The following CLTB variants were observed in gnomAD, a reference collection of about 807,000 sequenced individuals.
The protein encoded by CLTB is clathrin light chain B.
CLTB carries 10 observed loss-of-function variants against 30.5 expected under a neutral mutation model. The ratio of observed to expected loss-of-function variants is 0.33; its 90% CI spans 0.20 to 0.56. CLTB has a LOEUF of 0.56. Ranked by LOEUF, CLTB falls within the 20% of genes least tolerant of loss-of-function variation. CLTB has a pLI of 0.91. For missense variants in CLTB, 261 were observed against 308.3 expected (o/e 0.85, Z 1.15); for synonymous variants, 102 against 120.3 (o/e 0.85, Z 1.00).
intron 2 of CLTB, among the ~76,000 whole-genome samples, chr5:176,409,411 T>C (rs1278800559): frequency 2.8e-5 from 4 of 140,584 alleles, no homozygotes; most frequent in Non-Finnish European, 4.6e-5. Context: ...TTGCCCTTTT[T>C]TTTTTTTTTT....
At position 176,416,253 on chromosome 5, in the gene CLTB, G is replaced by T; in HGVS notation, c.111C>A (p.Gly37=). Residue 37 remains glycine (G), a synonymous_variant, in exon 1 of 6, where the codon GGC becomes GGA. Coordinates refer to ENST00000310418, the MANE Select transcript of CLTB (RefSeq NM_007097.5). ...CCCCGAAGCCCTCGTCGTTCTCTAT[G>T]CCTGCAATCTCGCTCTCCTGCTGGG... The part of the protein sequence containing the change: ...FLAQQESEIA[G]IENDEGFGAP... 1 of 1,602,838 alleles carries T rather than the reference G, an allele frequency of 6.2e-7. No homozygotes were observed.
intron 2 of CLTB, chr5:176,406,433 G>A (rs1757124518): frequency 8.6e-7 from 1 of 1,166,960 alleles, no homozygotes; most frequent in Non-Finnish European, 1.1e-6. Context: ...CTCCAGGGAT[G>A]GCCAAGAGGA....
chr5:176,392,999 G>C lies in CLTB; in HGVS notation c.519-54C>G. 1 of 1,603,962 alleles carries C rather than the reference G, an allele frequency of 6.2e-7. No individual in the cohort carries two copies. The highest frequency in any genetic ancestry group is 8.5e-7 in the Non-Finnish European group (1 of 1,171,776). ...TAGCAGTCTGCTTTCCCCCAGCCTT[G>C]CCCTTGAGCAAGGCTGCTTTGCCCA... is the stretch of plus-strand genomic sequence containing the variant. On this transcript the variant is annotated intron_variant, in intron 5 of 5. Transcript: ENST00000310418. This position sits in a 1 kb window ranked among gnomAD's most constrained non-coding sequence, Gnocchi z 5.2.
In CLTB at chr5:176,392,725, C is replaced by G; in HGVS notation, c.*49G>C. 1 of 1,600,344 alleles carries G rather than the reference C, an allele frequency of 6.2e-7. No individual in the cohort carries two copies. The highest frequency in any genetic ancestry group is 8.5e-7 in the Non-Finnish European group (1 of 1,170,468). ...ACCCCGACCAAAGCAGCTGCTCCTC[C>G]TGTGCCCAGGCCCAGCCCATGCTCT... On this transcript the variant is annotated 3_prime_UTR_variant, in exon 6 of 6. Coordinates refer to ENST00000310418, the MANE Select transcript of CLTB (RefSeq NM_007097.5). This position sits in a 1 kb window ranked among gnomAD's most constrained non-coding sequence, Gnocchi z 5.2.
At chr5:176,413,018 A>G (rs1757526606) in intron 1 of CLTB, among the ~76,000 whole-genome samples, 1 of 152,108 alleles carries the variant, frequency 6.6e-6, no homozygotes, top group Non-Finnish European at 1.5e-5. Flanking sequence ...CCTGGGGTCT[A>G]CCCTGACCTT....
chr5:176,397,002 G>A (rs541955715), intron 4 of CLTB, among the ~76,000 whole-genome samples: 327 of 152,120 alleles, frequency 2.1e-3, no homozygotes, highest in African/African-American at 7.4e-3. Context: ...CAAGTCCCAA[G>A]ACACAGAGGT....
chr5:176,392,573 G>A lies in CLTB; in HGVS notation c.*201C>T, dbSNP rs1756299847. Reference sequence around the variant, plus strand: ...CAGTCACAATTGAGTAGACTGAGAGGAGGCGTGAGGGGCTGGACCAGAGGG... The same window carrying A: ...CAGTCACAATTGAGTAGACTGAGAGAAGGCGTGAGGGGCTGGACCAGAGGG... On this transcript the variant is annotated 3_prime_UTR_variant, in exon 6 of 6. Transcript: ENST00000310418. This position sits in a 1 kb window ranked among gnomAD's most constrained non-coding sequence, Gnocchi z 5.2. 6.9e-6 allele frequency: 4 copies of A among 583,932 alleles called. No individual in the cohort carries two copies. Among genetic ancestry groups the A allele is most frequent in the Non-Finnish European group, 9.1e-6 (3 of 327,946 alleles). The allele number at this position is 583,932 out of a possible 1,614,324, so 36.2% of individuals were successfully genotyped here.
chr5:176,402,860 G>A (rs1344509666), intron 2 of CLTB, among the ~76,000 whole-genome samples: 4 of 152,162 alleles, frequency 2.6e-5, no homozygotes, highest in African/African-American at 9.7e-5. Context: ...AGTACAGTAG[G>A]AGAGATGGGG....
chr5:176,395,053 C>T (rs1380646629), intron 5 of CLTB, among the ~76,000 whole-genome samples: 1 of 152,066 alleles, frequency 6.6e-6, no homozygotes, highest in Non-Finnish European at 1.5e-5. Flanking sequence ...CAACCAGCCC[C>T]AAGCCAACCA....
At chr5:176,394,547 G>A (rs1480663387) in intron 5 of CLTB, among the ~76,000 whole-genome samples, 2 of 151,906 alleles carry the variant, frequency 1.3e-5, no homozygotes, top group Non-Finnish European at 2.9e-5. Context: ...GCCAGGCGCG[G>A]TGGCTCATGC....
intron 2 of CLTB, among the ~76,000 whole-genome samples, chr5:176,407,896 A>G (rs1393206568): frequency 6.6e-6 from 1 of 152,188 alleles, no homozygotes; most frequent in East Asian, 1.9e-4. Context: ...GTACCAGCCC[A>G]TCCCTCTTAC....
chr5:176,404,856 C>A (rs2113660147), intron 2 of CLTB, among the ~76,000 whole-genome samples: 1 of 152,352 alleles, frequency 6.6e-6, no homozygotes, highest in South Asian at 2.1e-4. Context: ...CCACCCACAT[C>A]CCCCTGGGCA....
chr5:176,404,583 T>C (rs984553505), intron 2 of CLTB, among the ~76,000 whole-genome samples: 1 of 152,236 alleles, frequency 6.6e-6, no homozygotes, highest in African/African-American at 2.4e-5. Flanking sequence ...GGAACAGCCT[T>C]AAGGAAACTC....
chr5:176,394,691 T>C (rs1029305415), intron 5 of CLTB, among the ~76,000 whole-genome samples: 8 of 152,222 alleles, frequency 5.3e-5, no homozygotes, highest in Admixed American at 4.6e-4. Flanking sequence ...GGCGGGCACC[T>C]GTAGTCCCAG....
intron 2 of CLTB, chr5:176,406,706 G>C (rs773395149): frequency 7.8e-7 from 1 of 1,286,216 alleles, no homozygotes; most frequent in South Asian, 1.2e-5. Flanking sequence ...GGTGGTGCAC[G>C]GGCTGCAGAA....
Position 176,397,968 on chromosome 5 carries a change from T to C in CLTB, c.314A>G (p.Lys105Arg), listed in dbSNP as rs750973024. ...CCGTTTCCTCTGCTCCTCTCGCCAC[T>C]TGCGGATGCTCTCAGGCTCCTGGGT... The part of the protein sequence containing the change: ...RLTQEPESIR[K>R]WREEQRKRLQ... Residue 105 changes from lysine (K) to arginine (R), a missense_variant, in exon 3 of 6, where the codon AAG becomes AGG. This residue lies in a region of CLTB where 123 missense variants were observed against 157.0 expected (regional missense o/e 0.78). Transcript: ENST00000310418. 3 of 1,614,040 alleles carry C rather than the reference T, an allele frequency of 1.9e-6. No individual in the cohort carries two copies. The highest frequency in any genetic ancestry group is 1.1e-5 in the South Asian group (1 of 91,088).
rs77343734 is a variant in CLTB, at chr5:176,393,334, G to C, written c.519-389C>G. 6.6e-6 allele frequency among the ~76,000 whole-genome samples: 1 copy of C among 152,146 alleles called. No homozygotes were observed. On this transcript the variant is annotated intron_variant, in intron 5 of 5. Coordinates refer to ENST00000310418, the MANE Select transcript of CLTB (RefSeq NM_007097.5). This position sits in a 1 kb window ranked among gnomAD's most constrained non-coding sequence, Gnocchi z 4.4. ...TAAAGACCCTTGGAGGTCCTAGGAC[G>C]ACCTAATGCAGGACCTTAGCTATTT...
Position 176,416,271 on chromosome 5 carries a change from C to T in CLTB, c.93G>A (p.Gln31=), listed in dbSNP as rs1157474599. The T allele has an allele frequency of 8.7e-6, 14 of 1,606,742 alleles. No individual in the cohort carries two copies. Among genetic ancestry groups the T allele is most frequent in the Non-Finnish European group, 1.2e-5 (14 of 1,177,734 alleles). Residue 31 remains glutamine, a synonymous_variant, in exon 1 of 6, where the codon CAG becomes CAA. Coordinates refer to ENST00000310418, the MANE Select transcript of CLTB (RefSeq NM_007097.5). ...TCTCTATGCCTGCAATCTCGCTCTC[C>T]TGCTGGGCCAGGAAGGCGGCCGCCG... The part of the protein sequence containing the change: ...EDPAAAFLAQ[Q]ESEIAGIEND...
In CLTB at chr5:176,416,289, G is replaced by GGCCGCCGGGTCCTCCTCCGCC. The variant is rs758979661; in HGVS notation, c.54_74dup (p.Glu20_Ala26dup). On this transcript the variant is annotated inframe_insertion, in exon 1 of 6. Coordinates refer to ENST00000310418, the MANE Select transcript of CLTB (RefSeq NM_007097.5). ...CGCTCTCCTGCTGGGCCAGGAAGGC[G>GGCCGCCGGGTCCTCCTCCGCC]GCCGCCGGGTCCTCCTCCGCCGCCT... The GGCCGCCGGGTCCTCCTCCGCC allele has an allele frequency of 7.9e-5, 127 of 1,606,106 alleles. No homozygotes were observed. The highest frequency in any genetic ancestry group is 5.5e-4 in the South Asian group (50 of 90,668).
Sources: gnomAD v4.1 joint callset for allele counts (sites outside exome capture counted in the v4.1 genomes callset) on GRCh38, gnomAD v4.1.1 for gene constraint, gnomAD v4.1.1 regional missense constraint, Gnocchi (gnomAD v3.1) non-coding constraint, MANE v1.5 for transcripts, NCBI Gene and HGNC (gene_info 2026-07-23, HGNC 2026-07-21) for gene names.